Variants in CUX1 observed in about 807,000 individuals in gnomAD.
CUX1 encodes the protein protein CASP.
CUX1 carries 31 observed loss-of-function variants against 158.8 expected under a neutral mutation model. The observed-to-expected ratio is 0.20, with a 90% CI of 0.15 to 0.26. CUX1 has a LOEUF of 0.26. CUX1 is among the 10% of genes least tolerant of loss of function. The pLI is 1.00. For missense variants in CUX1, 1,589 were observed against 2,014.6 expected (o/e 0.79, Z 4.04); for synonymous variants, 879 against 862.1 (o/e 1.02, Z -0.34).
intron 2 of CUX1, among the ~76,000 whole-genome samples, chr7:101,980,482 C>G (rs996625450): frequency 2.6e-5 from 4 of 152,174 alleles, no homozygotes; most frequent in South Asian, 2.1e-4. Flanking sequence ...GCAGTCCAGC[C>G]TGGGCGACAG....
intron 2 of CUX1, among the ~76,000 whole-genome samples, chr7:101,975,080 G>A (rs547696769): frequency 3.3e-5 from 5 of 151,744 alleles, no homozygotes; most frequent in Non-Finnish European, 4.4e-5. Context: ...AAACCTCATC[G>A]TCCCCACTAA....
chr7:102,112,716 GCCCGCCATAATA>G (rs1831064387), intron 7 of CUX1, among the ~76,000 whole-genome samples: 1 of 151,562 alleles, frequency 6.6e-6, no homozygotes, highest in Non-Finnish European at 1.5e-5. Context: ...GATTACAGAT[GCCCGCCATAATA>G]CCCGCCTAAT....
chr7:101,996,642 TCTCC>T (rs368042482), intron 2 of CUX1, among the ~76,000 whole-genome samples: 67 of 144,940 alleles, frequency 4.6e-4, no homozygotes, highest in South Asian at 2.4e-3. Flanking sequence ...CCCTCATTTC[TCTCC>T]CTCCCTCCCT....
Position 102,255,432 on chromosome 7 carries a change from T to A in CUX1, c.*6390T>A. The A allele has an allele frequency of 1.0e-6, 1 of 984,886 alleles. No homozygotes were observed. Among genetic ancestry groups the A allele is most frequent in the Middle Eastern group, 5.2e-4 (1 of 1,910 alleles). 61.0% of individuals were successfully genotyped at this position (984,886 alleles called of 1,614,324 possible). Reference sequence around the variant, plus strand: ...AAAAAGGCTGGCGAGAGAAAGACATTTGGCTATGCATAAATGTGCACTTCC... The same window carrying A: ...AAAAAGGCTGGCGAGAGAAAGACATATGGCTATGCATAAATGTGCACTTCC... On this transcript the variant is annotated 3_prime_UTR_variant, in exon 24 of 24. Coordinates refer to ENST00000292535, the MANE Select transcript of CUX1 (RefSeq NM_181552.4).
In CUX1 at chr7:102,092,416, C is replaced by T. The variant is rs543174187; in HGVS notation, c.269-4948C>T. On this transcript the variant is annotated intron_variant, in intron 4 of 23. Coordinates refer to ENST00000292535, the MANE Select transcript of CUX1 (RefSeq NM_181552.4). ...TCATCCCCACTCACTTCTTCAGAGG[C>T]CTTCCCTGTCCCCTTGTCTCTAGGA... 5.3e-5 allele frequency among the ~76,000 whole-genome samples: 8 copies of T among 152,308 alleles called. No homozygotes were observed. In the East Asian group the frequency reaches 9.7e-4, roughly 18 times the overall value.
intron 3 of CUX1, among the ~76,000 whole-genome samples, chr7:102,062,931 C>A (rs566443491): frequency 6.6e-6 from 1 of 152,106 alleles, no homozygotes; most frequent in East Asian, 1.9e-4. Context: ...ATGGAGAAAC[C>A]CCGTCTCTAT....
intron 2 of CUX1, among the ~76,000 whole-genome samples, chr7:101,986,936 G>T (rs535539095): frequency 6.6e-6 from 1 of 152,116 alleles, no homozygotes; most frequent in Non-Finnish European, 1.5e-5. Flanking sequence ...CCTGGAAGCC[G>T]TGGGGATGTG....
intron 2 of CUX1, among the ~76,000 whole-genome samples, chr7:102,024,945 A>C (rs1299504748): frequency 6.6e-6 from 1 of 152,230 alleles, no homozygotes. Flanking sequence ...TCAGGAGTCC[A>C]AAGTGGGATG....
intron 2 of CUX1, among the ~76,000 whole-genome samples, chr7:101,967,567 A>C (rs1811388805): frequency 6.6e-6 from 1 of 152,160 alleles, no homozygotes; most frequent in Non-Finnish European, 1.5e-5. Context: ...AAATAAACTC[A>C]TCTTGCTGAG....
At chr7:102,167,466 G>A (rs955108484) in intron 9 of CUX1, among the ~76,000 whole-genome samples, 1 of 152,140 alleles carries the variant, frequency 6.6e-6, no homozygotes, top group Non-Finnish European at 1.5e-5. Flanking sequence ...CTTCCCCAGC[G>A]CTGGCCGTTC....
downstream of CUX1, among the ~76,000 whole-genome samples, chr7:102,258,957 T>C (rs548547027): frequency 1.2e-4 from 18 of 152,202 alleles, no homozygotes; most frequent in South Asian, 2.9e-3. Flanking sequence ...CTCCGCGCAG[T>C]TGTGACTCAG....
intron 3 of CUX1, among the ~76,000 whole-genome samples, chr7:102,046,575 T>G (rs1292319378): frequency 2.9e-4 from 6 of 20,610 alleles, no homozygotes; most frequent in East Asian, 0.015. Flanking sequence ...TTGGATTTTT[T>G]TTTTTTTTTT....
At chr7:101,951,918 C>T (rs557350765) in intron 2 of CUX1, among the ~76,000 whole-genome samples, 7 of 152,342 alleles carry the variant, frequency 4.6e-5, no homozygotes, top group Admixed American at 1.3e-4. Flanking sequence ...GTTACAAAGA[C>T]TCAACTCTGC....
intron 1 of CUX1, among the ~76,000 whole-genome samples, chr7:101,848,480 G>C (rs1795938353): frequency 6.6e-6 from 1 of 152,144 alleles, no homozygotes; most frequent in Non-Finnish European, 1.5e-5. Context: ...AGTCCTTTCA[G>C]ATCCAGATGG....
chr7:101,957,751 A>G (rs1029027599), intron 2 of CUX1, among the ~76,000 whole-genome samples: 3 of 152,216 alleles, frequency 2.0e-5, no homozygotes, highest in Admixed American at 2.0e-4. Flanking sequence ...ATTTAAAAAA[A>G]ACAAGAGAAT....
At chr7:102,034,158 A>AATAAAAAT (rs1821141458) in intron 3 of CUX1, among the ~76,000 whole-genome samples, 1 of 150,900 alleles carries the variant, frequency 6.6e-6, no homozygotes, top group Admixed American at 6.6e-5. Flanking sequence ...AAAAAAAAAA[A>AATAAAAAT]AAAAAAAAAG....
At chr7:101,937,220 C>T (rs1807049686) in intron 2 of CUX1, among the ~76,000 whole-genome samples, 1 of 152,172 alleles carries the variant, frequency 6.6e-6, no homozygotes, top group African/African-American at 2.4e-5. Flanking sequence ...GTCAGCACCC[C>T]AGCCCCCAGC....
At chr7:102,105,176 TACACACAC>T (rs3076512) in intron 6 of CUX1, among the ~76,000 whole-genome samples, 13,206 of 144,476 alleles carry the variant, frequency 0.091, 820 homozygotes, top group African/African-American at 0.17. Flanking sequence ...TATTTAATAT[TACACACAC>T]ACACACACAC....
rs117851688 is a variant in CUX1 at position 101,821,259 on chromosome 7, C to T, written c.30+3590C>T. ...AGAGAGAAGATACTCCCCCCCGCCC[C>T]CAAAAAAATTCTACATTTAGAGAAT... On this transcript the variant is annotated intron_variant, in intron 1 of 23. Transcript: ENST00000292535. Among the ~76,000 whole-genome samples the T allele has an allele frequency of 3.4e-4, 51 of 151,830 alleles. No individual in the cohort carries two copies. In the East Asian group the frequency reaches 9.1e-3, roughly 27 times the overall value.
Sources: gnomAD v4.1 joint callset for allele counts (sites outside exome capture counted in the v4.1 genomes callset) on GRCh38, gnomAD v4.1.1 for gene constraint, MANE v1.5 for transcripts, NCBI Gene and HGNC (gene_info 2026-07-23, HGNC 2026-07-21) for gene names.